The following SPATA6 variants were observed in gnomAD, a reference collection of about 807,000 sequenced individuals.
SPATA6 encodes spermatogenesis-associated protein 6.
In SPATA6, 56 loss-of-function variants were observed where a neutral mutation model predicts 65.3. The ratio of observed to expected loss-of-function variants is 0.86; its 90% CI spans 0.69 to 1.07. SPATA6 has a LOEUF of 1.07. Ranked by LOEUF, SPATA6 falls within the 50% of genes least tolerant of loss-of-function variation. The pLI is 0.00. For synonymous variants in SPATA6, 199 were observed against 213.2 expected, an observed-to-expected ratio of 0.93 and a Z score of 0.58; for missense variants, 590 against 594.8, an observed-to-expected ratio of 0.99 and a Z score of 0.08.
At chr1:48,469,213 C>CA (rs1413160111) in intron 1 of SPATA6, among the ~76,000 whole-genome samples, 5 of 151,652 alleles carry the variant, frequency 3.3e-5, no homozygotes, top group Non-Finnish European at 7.4e-5. Context: ...CAATTTTTAG[C>CA]AAAAAAATAA....
intron 11 of SPATA6, chr1:48,325,343 T>G: frequency 7.5e-7 from 1 of 1,330,086 alleles, no homozygotes; most frequent in Non-Finnish European, 1.1e-6. Context: ...CGTAGAGTCC[T>G]CCCCTGAAGG....
At chr1:48,290,038 A>T in the SPATA6 span, among the ~76,000 whole-genome samples, 1 of 152,240 alleles carries the variant, frequency 6.6e-6, no homozygotes, top group East Asian at 1.9e-4. Context: ...CGACTACAAG[A>T]CACATAATTG....
chr1:48,471,807 G>A (rs757661240), intron 1 of SPATA6, 151 bp downstream of exon 1: 10 of 880,158 alleles, frequency 1.1e-5, no homozygotes, highest in African/African-American at 6.7e-5. Context: ...CTGAGAACAA[G>A]ATGGGGCAGG....
rs1193701856 is a variant in SPATA6 at position 48,418,284 on chromosome 1, C to T, written c.239-5133G>A. 2.0e-5 allele frequency among the ~76,000 whole-genome samples: 3 copies of T among 152,038 alleles called. No individual in the cohort carries two copies. In the East Asian group the frequency reaches 5.8e-4, roughly 29 times the overall value. On this transcript the variant is annotated intron_variant, in intron 3 of 12. Transcript: ENST00000371847. ...ATGGAAGAACAAAAAAGGGAAAATGCTGAAGTGGTACTAATATGAGTTTGG... is the reference window on the plus strand; with the variant it reads ...ATGGAAGAACAAAAAAGGGAAAATGTTGAAGTGGTACTAATATGAGTTTGG...
chr1:48,336,216 G>C (rs574038550), intron 11 of SPATA6, among the ~76,000 whole-genome samples: 1 of 152,134 alleles, frequency 6.6e-6, no homozygotes, highest in Admixed American at 6.6e-5. Flanking sequence ...GTGAAAGACA[G>C]TATGGTGACT....
rs567195668 is a variant in SPATA6 at position 48,439,436 on chromosome 1, G to C, written c.238+12116C>G. On this transcript the variant is annotated intron_variant, in intron 3 of 12. Transcript: ENST00000371847. Reference sequence around the variant, plus strand: ...CTGCGTCAGTGAGCGCAACTATTCCGATCAGCAGGGTCCAGGGACCATTGC... The same window carrying C: ...CTGCGTCAGTGAGCGCAACTATTCCCATCAGCAGGGTCCAGGGACCATTGC... Among the ~76,000 whole-genome samples the C allele has an allele frequency of 4.6e-5, 7 of 151,622 alleles. No individual in the cohort carries two copies. In the East Asian group the frequency reaches 9.7e-4, roughly 21 times the overall value.
intron 9 of SPATA6, among the ~76,000 whole-genome samples, chr1:48,371,395 ATTT>A (rs1303318856): frequency 6.6e-6 from 1 of 152,146 alleles, no homozygotes; most frequent in Non-Finnish European, 1.5e-5. Context: ...AATAATATTT[ATTT>A]TTTATTTACT....
chr1:48,463,326 A>ATGTATATGTATG (rs1450262856), intron 1 of SPATA6, among the ~76,000 whole-genome samples: 1 of 152,174 alleles, frequency 6.6e-6, no homozygotes, highest in Non-Finnish European at 1.5e-5. Flanking sequence ...ATATATGTAT[A>ATGTATATGTATG]TGTGTAGGTA....
rs1007238470 is a variant in SPATA6 at position 48,307,074 on chromosome 1, C to T, written c.1195-1196G>A. Among the ~76,000 whole-genome samples, 13 of 151,250 alleles carry T rather than the reference C, an allele frequency of 8.6e-5. No individual in the cohort carries two copies. The East Asian group carries it at 1.9e-3, about 23-fold the overall frequency. On this transcript the variant is annotated intron_variant, in intron 11 of 12. Transcript: ENST00000371847. ...GGATGTTCCTTATTTTTACCTATTC[C>T]GAGAAGTCAATGCAGTGGAGCATTT... is the stretch of plus-strand genomic sequence containing the variant.
chr1:48,349,591 TC>T (rs1646463133), intron 11 of SPATA6, among the ~76,000 whole-genome samples: 1 of 151,898 alleles, frequency 6.6e-6, no homozygotes, highest in Admixed American at 6.6e-5. Flanking sequence ...TATTGATCAC[TC>T]CCATACCAAT....
At chr1:48,423,079 A>G (rs139610610) in intron 3 of SPATA6, among the ~76,000 whole-genome samples, 159 of 152,352 alleles carry the variant, frequency 1.0e-3, no homozygotes, top group African/African-American at 3.7e-3. Flanking sequence ...TAAAAAAATT[A>G]AAATAACATA....
At chr1:48,353,287 C>A (rs565443937) in intron 11 of SPATA6, among the ~76,000 whole-genome samples, 1 of 151,568 alleles carries the variant, frequency 6.6e-6, no homozygotes, top group Admixed American at 6.6e-5. Context: ...AATAATGTCA[C>A]GTATGTATGT....
At chr1:48,303,101 C>A (rs190323065) in intron 12 of SPATA6, among the ~76,000 whole-genome samples, 1 of 152,118 alleles carries the variant, frequency 6.6e-6, no homozygotes, top group East Asian at 1.9e-4. Context: ...CAGACTCTAA[C>A]TGTTCTTACT....
At chr1:48,278,695 T>G in the SPATA6 span, among the ~76,000 whole-genome samples, 1 of 152,200 alleles carries the variant, frequency 6.6e-6, no homozygotes, top group East Asian at 1.9e-4. Flanking sequence ...AAAGACCGAA[T>G]CTACATCTGA....
intron 11 of SPATA6, among the ~76,000 whole-genome samples, chr1:48,323,392 G>A (rs568812949): frequency 2.0e-5 from 3 of 150,392 alleles, no homozygotes; most frequent in African/African-American, 7.3e-5. Flanking sequence ...CACAGGGAGG[G>A]GAACATCACA....
chr1:48,325,550 T>C (rs1645733251), intron 11 of SPATA6: 1 of 1,174,504 alleles, frequency 8.5e-7, no homozygotes. Flanking sequence ...TCTTCCTCTT[T>C]GGTCTTGGAA....
chr1:48,368,024 G>A (rs182483361), intron 9 of SPATA6, among the ~76,000 whole-genome samples: 191 of 152,270 alleles, frequency 1.3e-3, no homozygotes, highest in Admixed American at 2.4e-3. Flanking sequence ...TTGCTTGTCT[G>A]TATAGTATTT....
intron 9 of SPATA6, among the ~76,000 whole-genome samples, chr1:48,373,030 A>G (rs1278854037): frequency 6.6e-6 from 1 of 152,130 alleles, no homozygotes; most frequent in Non-Finnish European, 1.5e-5. Context: ...ACCTGGAGAC[A>G]TTTTCCCTGT....
At chr1:48,292,296 G>C (rs1644773085), downstream of SPATA6, among the ~76,000 whole-genome samples, 1 of 152,178 alleles carries the variant, frequency 6.6e-6, no homozygotes, top group Non-Finnish European at 1.5e-5. Context: ...TCACAGCTCT[G>C]TGTCCAGGAG....
Sources: gnomAD v4.1 joint callset for allele counts (sites outside exome capture counted in the v4.1 genomes callset) on GRCh38, gnomAD v4.1.1 for gene constraint, MANE v1.5 for transcripts, NCBI Gene and HGNC (gene_info 2026-07-23, HGNC 2026-07-21) for gene names.